CNTNAP2: variants seen among roughly 807,000 people sequenced by gnomAD.
The protein encoded by CNTNAP2 is contactin-associated protein-like 2.
Under a neutral mutation model 155.2 loss-of-function variants are expected in CNTNAP2, and 98 were observed. The observed-to-expected ratio is 0.63, with a 90% confidence interval of 0.54 to 0.75. The LOEUF (loss-of-function observed/expected upper bound fraction) is 0.75. CNTNAP2 is among the 30% of genes least tolerant of loss of function. CNTNAP2 has a pLI of 0.00. For synonymous variants in CNTNAP2, 651 were observed against 631.2 expected (o/e 1.03, Z -0.47); for missense variants, 1,727 against 1,688.1 (o/e 1.02, Z -0.40).
rs911288222 is a variant in CNTNAP2 at position 147,106,832 on chromosome 7, T to G, written c.551-1315T>G. 2.6e-5 allele frequency among the ~76,000 whole-genome samples: 4 copies of G among 152,058 alleles called. 1 individual carries two copies. The highest frequency in any genetic ancestry group is 4.8e-5 in the African/African-American group (2 of 41,426). On this transcript the variant is annotated intron_variant, in intron 4 of 23. Coordinates refer to ENST00000361727, the MANE Select transcript of CNTNAP2 (RefSeq NM_014141.6). The stretch of plus-strand genomic sequence containing the variant: ...TCTCTACTGTGGCCCCCAAAGGAAT[T>G]TATTTGGTGGTATGCTCCACTTACA...
intron 3 of CNTNAP2, among the ~76,000 whole-genome samples, chr7:146,889,675 T>G (rs890449693): frequency 6.6e-6 from 1 of 152,190 alleles, no homozygotes; most frequent in African/African-American, 2.4e-5. Context: ...TTACATCTTC[T>G]TGTTAAAATT....
intron 1 of CNTNAP2, among the ~76,000 whole-genome samples, chr7:146,193,285 G>A (rs376257859): frequency 1.3e-3 from 197 of 152,290 alleles, no homozygotes; most frequent in African/African-American, 4.6e-3. Flanking sequence ...GACTCTGTGT[G>A]GGGGCTCCAA....
At chr7:146,117,124 A>T (rs768272089) in intron 1 of CNTNAP2, 151 bp downstream of exon 1, 199 of 664,226 alleles carry the variant, frequency 3.0e-4, no homozygotes, top group Non-Finnish European at 4.7e-4. Flanking sequence ...ACTGCAGTAG[A>T]CAAACTCGAA....
intron 1 of CNTNAP2, among the ~76,000 whole-genome samples, chr7:146,392,925 A>G (rs1395616539): frequency 6.6e-6 from 1 of 152,164 alleles, no homozygotes; most frequent in Non-Finnish European, 1.5e-5. Flanking sequence ...GAGTTTTGCA[A>G]AATATTTGAG....
chr7:147,467,052 C>A (rs1003906869), intron 10 of CNTNAP2, among the ~76,000 whole-genome samples: 5 of 152,124 alleles, frequency 3.3e-5, no homozygotes, highest in African/African-American at 1.2e-4. Context: ...ATACTGATTG[C>A]AGCATGTTTG....
At chr7:147,950,064 T>C (rs1233901762) in intron 14 of CNTNAP2, among the ~76,000 whole-genome samples, 1 of 152,062 alleles carries the variant, frequency 6.6e-6, no homozygotes, top group Non-Finnish European at 1.5e-5. Flanking sequence ...AGGGAATCCA[T>C]TGCAATGAGT....
intron 1 of CNTNAP2, among the ~76,000 whole-genome samples, chr7:146,174,463 C>T (rs549289159): frequency 9.9e-5 from 15 of 152,102 alleles, no homozygotes; most frequent in Admixed American, 4.6e-4. Context: ...TCAAGTGATC[C>T]GCCCACCTCG....
intron 1 of CNTNAP2, among the ~76,000 whole-genome samples, chr7:146,630,980 T>A (rs533585494): frequency 6.6e-6 from 1 of 152,246 alleles, no homozygotes; most frequent in African/African-American, 2.4e-5. Flanking sequence ...ATGGCCATAC[T>A]GCCCAAAGTA....
At chr7:148,034,404 C>G (rs75126790) in intron 15 of CNTNAP2, among the ~76,000 whole-genome samples, 10 of 152,114 alleles carry the variant, frequency 6.6e-5, no homozygotes, top group Non-Finnish European at 1.2e-4. Context: ...AAGGGCACCA[C>G]TCTCATGAAG....
chr7:146,721,889 A>ATATATATATATATATTTTTTTTTTTTTT, intron 1 of CNTNAP2, among the ~76,000 whole-genome samples: 1 of 69,736 alleles, frequency 1.4e-5, no homozygotes, highest in African/African-American at 1.9e-4. Flanking sequence ...ATATATATAT[A>ATATATATATATATATTTTTTTTTTTTTT]TTTTTTTTTT....
chr7:147,791,625 A>C (rs1243312627), intron 13 of CNTNAP2, among the ~76,000 whole-genome samples: 1 of 152,068 alleles, frequency 6.6e-6, no homozygotes, highest in East Asian at 1.9e-4. Context: ...AGGACAATGC[A>C]ACACAGTTTG....
rs182585843 is a variant in CNTNAP2 at position 146,342,415 on chromosome 7, C to T, written c.97+225442C>T. On this transcript the variant is annotated intron_variant, in intron 1 of 23. Coordinates refer to ENST00000361727, the MANE Select transcript of CNTNAP2 (RefSeq NM_014141.6). Reference sequence around the variant, plus strand: ...GCTCTTTGTAACCCAAGGGATGACACTGTGTGGAAAAGCACAAACATCAAG... The same window carrying T: ...GCTCTTTGTAACCCAAGGGATGACATTGTGTGGAAAAGCACAAACATCAAG... 1.3e-3 allele frequency among the ~76,000 whole-genome samples: 205 copies of T among 152,256 alleles called. 2 individuals carry two copies. Among genetic ancestry groups the T allele is most frequent in the African/African-American group, 4.7e-3 (196 of 41,564 alleles).
chr7:146,873,260 G>T (rs1171375099), intron 3 of CNTNAP2, among the ~76,000 whole-genome samples: 1 of 87,810 alleles, frequency 1.1e-5, no homozygotes, highest in Non-Finnish European at 2.2e-5. Flanking sequence ...TCTACAAAAA[G>T]AATTTTATGC....
intron 21 of CNTNAP2, among the ~76,000 whole-genome samples, chr7:148,347,195 T>A (rs1798343591): frequency 1.3e-5 from 2 of 151,504 alleles, no homozygotes; most frequent in African/African-American, 4.9e-5. Flanking sequence ...AAGTGGAGAT[T>A]ACAGTGAGCT....
At chr7:146,912,112 T>C (rs1176075244) in intron 3 of CNTNAP2, among the ~76,000 whole-genome samples, 1 of 151,036 alleles carries the variant, frequency 6.6e-6, no homozygotes, top group Non-Finnish European at 1.5e-5. Flanking sequence ...AATGTTTGAT[T>C]TTAATGAGTC....
chr7:147,894,961 CTTTCT>C (rs1226214225), intron 13 of CNTNAP2, among the ~76,000 whole-genome samples: 3 of 35,658 alleles, frequency 8.4e-5, no homozygotes, highest in Admixed American at 7.4e-4. Flanking sequence ...TTCTTTCTTT[CTTTCT>C]TTTTTTTTTT....
chr7:147,510,850 C>CATATACATATATATATATATAT (rs1799003880), intron 11 of CNTNAP2, among the ~76,000 whole-genome samples: 2 of 76,434 alleles, frequency 2.6e-5, no homozygotes, highest in African/African-American at 1.2e-4. Flanking sequence ...GGCCTACAAC[C>CATATACATATATATATATATAT]ATATATATAT....
intron 11 of CNTNAP2, among the ~76,000 whole-genome samples, chr7:147,529,877 A>G (rs563896239): frequency 5.6e-4 from 86 of 152,346 alleles, no homozygotes; most frequent in Non-Finnish European, 1.0e-3. Flanking sequence ...TCCAAAGGCC[A>G]GGAAATCACA....
intron 8 of CNTNAP2, among the ~76,000 whole-genome samples, chr7:147,246,056 C>CACATATATATGGCATATATATAT (rs1554457363): frequency 6.9e-4 from 92 of 133,480 alleles, no homozygotes; most frequent in Non-Finnish European, 1.1e-3. Context: ...TATATATATA[C>CACATATATATGGCATATATATAT]ACATATATAT....
Sources: gnomAD v4.1 joint callset for allele counts (sites outside exome capture counted in the v4.1 genomes callset) on GRCh38, gnomAD v4.1.1 for gene constraint, MANE v1.5 for transcripts, NCBI Gene and HGNC (gene_info 2026-07-23, HGNC 2026-07-21) for gene names.